Variants in OTOGL observed in about 807,000 individuals in gnomAD.
The protein encoded by OTOGL is otogelin like, also known as otogelin-like protein.
OTOGL carries 285 observed loss-of-function variants against 318.5 expected under a neutral mutation model. That is an observed-to-expected ratio of 0.89 (90% CI 0.81 to 0.99). The LOEUF (loss-of-function observed/expected upper bound fraction) is 0.99, where lower values mean the gene tolerates loss of function less well. OTOGL is among the 50% of genes least tolerant of loss of function. The probability of loss-of-function intolerance (pLI) is 0.00; values close to 1 mark genes in which losing one functional copy is unlikely to be tolerated. For synonymous variants in OTOGL, 987 were observed against 936.5 expected, an observed-to-expected ratio of 1.05 and a Z score of -0.99; for missense variants, 2,899 against 2,845.6, an observed-to-expected ratio of 1.02 and a Z score of -0.43.
At chr12:80,195,746 G>A (rs1222565355) in intron 1 of OTOGL, among the ~76,000 whole-genome samples, 1 of 152,094 alleles carries the variant, frequency 6.6e-6, no homozygotes, top group Non-Finnish European at 1.5e-5. Flanking sequence ...GCTCCTGAAT[G>A]CCCATTATTA....
At chr12:80,142,577 C>G (rs1872023206) in intron 1 of OTOGL, among the ~76,000 whole-genome samples, 1 of 152,164 alleles carries the variant, frequency 6.6e-6, no homozygotes, top group South Asian at 2.1e-4. Flanking sequence ...GCAGGAACCA[C>G]TATTCCTTCA....
At chr12:80,240,566 T>C (rs1326932801) in intron 11 of OTOGL, among the ~76,000 whole-genome samples, 2 of 152,048 alleles carry the variant, frequency 1.3e-5, no homozygotes, top group East Asian at 1.9e-4. Context: ...GCTTTGTGAG[T>C]CTGTAACAAT....
intron 26 of OTOGL, among the ~76,000 whole-genome samples, chr12:80,284,372 A>G (rs1884458887): frequency 6.6e-6 from 1 of 152,174 alleles, no homozygotes; most frequent in Non-Finnish European, 1.5e-5. Context: ...AGAATAATTT[A>G]TAAATCTTTG....
Position 80,358,274 on chromosome 12 carries a change from C to A in OTOGL, c.6046C>A (p.Pro2016Thr). ...TTGTGAATCTTGCACCAAACCTGTT[C>A]CACTATGTCATGATGGGGAATTTCT... ...CVCESCTKPVPLCHDGEFLTV... is the reference protein window; with the variant it reads ...CVCESCTKPVTLCHDGEFLTV... The change falls in exon 50 of 59, where the codon CCA (proline) becomes ACA (threonine). Residue 2016 changes from proline to threonine, a missense_variant. Coordinates refer to ENST00000547103, the MANE Select transcript of OTOGL (RefSeq NM_001378609.3). 6.2e-7 allele frequency: 1 copy of A among 1,611,818 alleles called. No homozygotes were observed. Among genetic ancestry groups the A allele is most frequent in the Non-Finnish European group, 8.5e-7 (1 of 1,178,634 alleles).
rs140624596 is a variant in OTOGL, at chr12:80,276,787, C to T, written c.2682-1381C>T. ...TACGTTTCTTCAGTTGTCTTCTATG[C>T]GCTACATATTGTGTGACATGAACAT... On this transcript the variant is annotated intron_variant, in intron 24 of 58. Coordinates refer to ENST00000547103, the MANE Select transcript of OTOGL (RefSeq NM_001378609.3). Among the ~76,000 whole-genome samples, 349 of 151,590 alleles carry T rather than the reference C, an allele frequency of 2.3e-3. 1 individual carries two copies. The highest frequency in any genetic ancestry group is 8.1e-3 in the African/African-American group (334 of 41,428).
intron 58 of OTOGL, 120 bp downstream of exon 58, chr12:80,377,322 T>C: frequency 1.6e-6 from 1 of 620,020 alleles, no homozygotes; most frequent in Non-Finnish European, 2.8e-6. Context: ...TTAACTGAGA[T>C]TATTCCTACA....
chr12:80,318,384 T>C (rs910229012), intron 32 of OTOGL, among the ~76,000 whole-genome samples, 162 bp from the exon 33 acceptor site: 13 of 152,210 alleles, frequency 8.5e-5, no homozygotes, highest in African/African-American at 3.1e-4. Context: ...TCATTATATA[T>C]ATAAATCATT....
chr12:80,157,446 C>T (rs907936896), intron 1 of OTOGL, among the ~76,000 whole-genome samples: 2 of 152,046 alleles, frequency 1.3e-5, no homozygotes, highest in Non-Finnish European at 2.9e-5. Context: ...TCCCATTTGT[C>T]CACTTTTGCT....
intron 1 of OTOGL, among the ~76,000 whole-genome samples, chr12:80,137,179 A>T (rs1334332750): frequency 6.6e-6 from 1 of 152,192 alleles, no homozygotes; most frequent in African/African-American, 2.4e-5. Context: ...AGTCAGTTGT[A>T]GCTATCCAAA....
At chr12:80,276,073 C>A (rs1883784347) in intron 24 of OTOGL, among the ~76,000 whole-genome samples, 1 of 151,640 alleles carries the variant, frequency 6.6e-6, no homozygotes, top group African/African-American at 2.4e-5. Flanking sequence ...TAAAGTTTTC[C>A]TTTTCCTTCT....
At chr12:80,108,799 A>G (rs11114320) in intron 1 of OTOGL, among the ~76,000 whole-genome samples, 1 of 80,708 alleles carries the variant, frequency 1.2e-5, no homozygotes, top group African/African-American at 3.7e-5. Flanking sequence ...ATATATATAT[A>G]TGTATATATA....
intron 1 of OTOGL, among the ~76,000 whole-genome samples, chr12:80,134,086 C>T (rs1434368983): frequency 1.3e-5 from 2 of 152,044 alleles, no homozygotes; most frequent in East Asian, 1.9e-4. Flanking sequence ...TTTTCATTTC[C>T]TTTCCATTCT....
At chr12:80,175,144 A>T (rs761354787) in intron 1 of OTOGL, among the ~76,000 whole-genome samples, 2 of 152,146 alleles carry the variant, frequency 1.3e-5, no homozygotes, top group Non-Finnish European at 2.9e-5. Context: ...CTCTTCGCTA[A>T]ATACACTCTT....
intron 34 of OTOGL, among the ~76,000 whole-genome samples, chr12:80,321,721 G>A (rs374348277): frequency 1.3e-5 from 2 of 152,144 alleles, no homozygotes; most frequent in East Asian, 1.9e-4. Flanking sequence ...AACGAGCTCA[G>A]AACAAAGAAA....
intron 4 of OTOGL, 93 bp from the exon 5 acceptor site, chr12:80,217,505 T>G: frequency 1.2e-6 from 1 of 833,218 alleles, no homozygotes; most frequent in Non-Finnish European, 1.9e-6. Context: ...ATCATTTCTG[T>G]ATTTGTAGTT....
intron 52 of OTOGL, among the ~76,000 whole-genome samples, chr12:80,360,570 C>T (rs2138046526): frequency 6.6e-6 from 1 of 152,026 alleles, no homozygotes; most frequent in Middle Eastern, 3.4e-3. Context: ...CAACCTCTGC[C>T]TCCCGGCTTC....
intron 44 of OTOGL, among the ~76,000 whole-genome samples, chr12:80,351,786 T>C (rs1243750231): frequency 6.6e-6 from 1 of 152,196 alleles, no homozygotes; most frequent in African/African-American, 2.4e-5. Flanking sequence ...TAGATCAAAA[T>C]GGAACATATT....
At chr12:80,137,635 A>T (rs925045675) in intron 1 of OTOGL, among the ~76,000 whole-genome samples, 1 of 152,172 alleles carries the variant, frequency 6.6e-6, no homozygotes, top group Non-Finnish European at 1.5e-5. Flanking sequence ...TGAGGAAGCA[A>T]ATGGGAAGAA....
chr12:80,233,644 G>A (rs1043676527), intron 9 of OTOGL, among the ~76,000 whole-genome samples: 1 of 152,190 alleles, frequency 6.6e-6, no homozygotes, highest in African/African-American at 2.4e-5. Flanking sequence ...TCTAAGTTAT[G>A]AAACTAAAAG....
Sources: allele counts gnomAD v4.1 joint callset (sites outside exome capture counted in the v4.1 genomes callset), GRCh38; gene constraint gnomAD v4.1.1; transcripts MANE v1.5; gene names NCBI Gene and HGNC (gene_info 2026-07-23, HGNC 2026-07-21).